Variants in MAGI2 observed in about 807,000 individuals in gnomAD.
MAGI2 encodes the protein membrane associated guanylate kinase, WW and PDZ domain containing 2.
A neutral mutation model predicts 133.3 loss-of-function variants in MAGI2; 35 were observed. The observed-to-expected ratio is 0.26, with a 90% CI of 0.20 to 0.35. The LOEUF (loss-of-function observed/expected upper bound fraction) is 0.35, where lower values mean the gene tolerates loss of function less well. Among genes scored for constraint, MAGI2 ranks in the 10% least tolerant of loss-of-function variants. MAGI2 has a pLI of 1.00. For synonymous variants in MAGI2, 729 were observed against 710.6 expected, an observed-to-expected ratio of 1.03 and a Z score of -0.41; for missense variants, 1,636 against 1,863.4, an observed-to-expected ratio of 0.88 and a Z score of 2.25.
At chr7:78,060,253 CCT>C (rs1491402761) in intron 21 of MAGI2, among the ~76,000 whole-genome samples, 8,654 of 125,634 alleles carry the variant, frequency 0.069, 608 homozygotes, top group African/African-American at 0.17. Context: ...GACCCCCCCC[CCT>C]CTTTAGATTA....
chr7:78,075,410 T>C (rs1480851463), intron 21 of MAGI2, among the ~76,000 whole-genome samples: 1 of 146,172 alleles, frequency 6.8e-6, no homozygotes, highest in Non-Finnish European at 1.5e-5. Context: ...GGAGTCTCGC[T>C]CTGTCACCCA....
chr7:78,901,868 T>A (rs942108010), intron 2 of MAGI2, among the ~76,000 whole-genome samples: 2 of 152,178 alleles, frequency 1.3e-5, no homozygotes, highest in Admixed American at 6.5e-5. Flanking sequence ...TCCTCTTTTA[T>A]ATTTTGCTAG....
intron 6 of MAGI2, among the ~76,000 whole-genome samples, chr7:78,438,350 T>C (rs1388701846): frequency 1.3e-5 from 2 of 152,142 alleles, no homozygotes; most frequent in African/African-American, 4.8e-5. Context: ...AATTCACTTG[T>C]ATTGGTGACA....
At chr7:78,891,570 C>T (rs1234553365) in intron 2 of MAGI2, among the ~76,000 whole-genome samples, 2 of 152,166 alleles carry the variant, frequency 1.3e-5, no homozygotes, top group East Asian at 3.8e-4. Flanking sequence ...AAGACTGGTT[C>T]AACATACACA....
At chr7:78,313,187 T>G (rs1798864613) in intron 9 of MAGI2, among the ~76,000 whole-genome samples, 1 of 151,900 alleles carries the variant, frequency 6.6e-6, no homozygotes, top group Non-Finnish European at 1.5e-5. Context: ...TAATAGAGAC[T>G]CAGAAAGGTG....
chr7:78,671,281 CT>C (rs34087973), intron 2 of MAGI2, among the ~76,000 whole-genome samples: 114,231 of 143,914 alleles, frequency 0.79, 44,553 homozygotes, highest in Middle Eastern at 0.87. Flanking sequence ...CTCTCTCTCT[CT>C]TTTTTTTTTT....
At chr7:78,690,386 C>T (rs1405512007) in intron 2 of MAGI2, among the ~76,000 whole-genome samples, 1 of 152,130 alleles carries the variant, frequency 6.6e-6, no homozygotes, top group African/African-American at 2.4e-5. Context: ...TGCTAAATTC[C>T]CATTCCTCTC....
intron 10 of MAGI2, among the ~76,000 whole-genome samples, chr7:78,202,294 A>G (rs1301650438): frequency 6.6e-6 from 1 of 152,198 alleles, no homozygotes; most frequent in African/African-American, 2.4e-5. Context: ...ACACATAGTT[A>G]CCTACACACA....
intron 1 of MAGI2, among the ~76,000 whole-genome samples, chr7:79,315,190 T>A (rs1027401276): frequency 4.0e-5 from 6 of 149,354 alleles, no homozygotes; most frequent in Admixed American, 2.0e-4. Flanking sequence ...AGGTGAAGTC[T>A]CGCTGTTTTC....
At chr7:78,297,915 G>T (rs1797441378) in intron 9 of MAGI2, among the ~76,000 whole-genome samples, 1 of 150,020 alleles carries the variant, frequency 6.7e-6, no homozygotes, top group Non-Finnish European at 1.5e-5. Context: ...CAGCGCACCA[G>T]CATGGCACAT....
intron 3 of MAGI2, among the ~76,000 whole-genome samples, chr7:78,612,715 G>A (rs1366292783): frequency 6.6e-6 from 1 of 151,892 alleles, no homozygotes; most frequent in Non-Finnish European, 1.5e-5. Flanking sequence ...TGTCGCCCAG[G>A]CCGGAGTGCA....
At chr7:78,603,337 C>A (rs545636919) in intron 3 of MAGI2, among the ~76,000 whole-genome samples, 1 of 152,306 alleles carries the variant, frequency 6.6e-6, no homozygotes, top group East Asian at 1.9e-4. Flanking sequence ...GTTAACATCT[C>A]TGTTGCTTTC....
chr7:78,977,678 A>C (rs942404904), intron 2 of MAGI2, among the ~76,000 whole-genome samples: 1 of 151,806 alleles, frequency 6.6e-6, no homozygotes, highest in Non-Finnish European at 1.5e-5. Flanking sequence ...AATCCATGAA[A>C]AAAATTAGAC....
At chr7:78,573,919 C>A (rs181567012) in intron 3 of MAGI2, among the ~76,000 whole-genome samples, 1 of 152,246 alleles carries the variant, frequency 6.6e-6, no homozygotes, top group East Asian at 1.9e-4. Context: ...TGAGTACAGA[C>A]TTTTCCTTAA....
chr7:78,960,693 T>C (rs1227928273), intron 2 of MAGI2, among the ~76,000 whole-genome samples: 1 of 152,174 alleles, frequency 6.6e-6, no homozygotes, highest in Non-Finnish European at 1.5e-5. Context: ...ATCAGTCTTT[T>C]ACACTGATAA....
chr7:78,093,183 C>T (rs1373878427), intron 20 of MAGI2, among the ~76,000 whole-genome samples: 1 of 138,720 alleles, frequency 7.2e-6, no homozygotes, highest in African/African-American at 2.7e-5. Context: ...GCAGGTGGGG[C>T]GTGGTGGCTC....
At chr7:78,381,838 A>G in intron 6 of MAGI2, among the ~76,000 whole-genome samples, 1 of 152,300 alleles carries the variant, frequency 6.6e-6, no homozygotes, top group Admixed American at 6.5e-5. Flanking sequence ...CTCATACCTT[A>G]CTGGTGGATG....
At chr7:78,746,401 C>G (rs992879434) in intron 2 of MAGI2, among the ~76,000 whole-genome samples, 4 of 152,184 alleles carry the variant, frequency 2.6e-5, no homozygotes, top group Non-Finnish European at 5.9e-5. Context: ...TTCTGAGAAT[C>G]TTATTCCGGG....
chr7:79,122,356 C>A (rs1278398483), intron 1 of MAGI2, among the ~76,000 whole-genome samples: 1 of 152,162 alleles, frequency 6.6e-6, no homozygotes, highest in Non-Finnish European at 1.5e-5. Context: ...CAACTAGGTT[C>A]ACATAACTAT....
Sources: allele counts gnomAD v4.1 joint callset (sites outside exome capture counted in the v4.1 genomes callset), GRCh38; gene constraint gnomAD v4.1.1; transcripts MANE v1.5; gene names NCBI Gene and HGNC (gene_info 2026-07-23, HGNC 2026-07-21).